TSHZ3: variants seen among roughly 807,000 people sequenced by gnomAD.
TSHZ3 encodes teashirt zinc finger homeobox 3.
TSHZ3 carries 10 observed loss-of-function variants against 64.5 expected under a neutral mutation model. The ratio of observed to expected loss-of-function variants is 0.16; its 90% CI spans 0.10 to 0.26. The LOEUF (loss-of-function observed/expected upper bound fraction) is 0.26, where lower values mean the gene tolerates loss of function less well. Ranked by LOEUF, TSHZ3 falls within the 10% of genes least tolerant of loss-of-function variation. The pLI is 1.00. For missense variants in TSHZ3, 1,242 were observed against 1,421.7 expected (o/e 0.87, Z 2.03); for synonymous variants, 608 against 593.1 (o/e 1.03, Z -0.36).
intron 3 of TSHZ3, among the ~76,000 whole-genome samples, chr19:31,234,753 A>G (rs1272683472): frequency 6.6e-6 from 1 of 152,204 alleles, no homozygotes. Flanking sequence ...TGCTGAATTC[A>G]GTTTGCTAAT....
chr19:31,168,443 C>T (rs1340932377), intron 5 of TSHZ3, among the ~76,000 whole-genome samples: 1 of 152,196 alleles, frequency 6.6e-6, no homozygotes, highest in South Asian at 2.1e-4. Flanking sequence ...AATGGCCAAG[C>T]TGCGATTGTC....
intron 4 of TSHZ3, among the ~76,000 whole-genome samples, chr19:31,219,125 C>T (rs1026029824): frequency 2.6e-5 from 4 of 152,140 alleles, no homozygotes; most frequent in Admixed American, 2.6e-4. Flanking sequence ...ACAGTGAGGC[C>T]TTTATGCTTT....
At chr19:31,225,160 G>A (rs1975443426) in intron 4 of TSHZ3, among the ~76,000 whole-genome samples, 1 of 152,222 alleles carries the variant, frequency 6.6e-6, no homozygotes, top group South Asian at 2.1e-4. Context: ...CATTCATTTA[G>A]AAGTGAGGCC....
At chr19:31,255,422 C>T (rs911853664) in intron 1 of TSHZ3, among the ~76,000 whole-genome samples, 8 of 152,150 alleles carry the variant, frequency 5.3e-5, no homozygotes, top group Non-Finnish European at 8.8e-5. Flanking sequence ...CTCAGAACAA[C>T]GTCACTAAAG....
intron 4 of TSHZ3, among the ~76,000 whole-genome samples, chr19:31,227,164 G>T (rs550679042): frequency 5.9e-5 from 9 of 151,286 alleles, no homozygotes; most frequent in Non-Finnish European, 8.8e-5. Flanking sequence ...ATTTTTAGTA[G>T]ATATGGGGTT....
At chr19:31,233,633 T>G (rs185724752) in intron 3 of TSHZ3, among the ~76,000 whole-genome samples, 4 of 152,292 alleles carry the variant, frequency 2.6e-5, no homozygotes. Context: ...TAGTGCTTTT[T>G]GTGTTCCTAG....
intron 5 of TSHZ3, among the ~76,000 whole-genome samples, chr19:31,160,533 G>A (rs762008847): frequency 4.6e-5 from 7 of 152,190 alleles, no homozygotes; most frequent in Non-Finnish European, 1.0e-4. Flanking sequence ...AGCTCCACGT[G>A]TGACTAATTC....
At chr19:31,289,545 T>C (rs958430672) in intron 1 of TSHZ3, among the ~76,000 whole-genome samples, 8 of 152,130 alleles carry the variant, frequency 5.3e-5, no homozygotes, top group Non-Finnish European at 8.8e-5. Flanking sequence ...CCCCAGCCCC[T>C]GGTAAAGGAA....
At chr19:31,346,055 T>A (rs575784812) in intron 1 of TSHZ3, among the ~76,000 whole-genome samples, 5 of 152,216 alleles carry the variant, frequency 3.3e-5, no homozygotes, top group Non-Finnish European at 7.3e-5. Context: ...GAAAAGACCC[T>A]AAGCCATACA....
At chr19:31,312,485 G>A (rs1916487018) in intron 1 of TSHZ3, among the ~76,000 whole-genome samples, 1 of 152,190 alleles carries the variant, frequency 6.6e-6, no homozygotes, top group African/African-American at 2.4e-5. Flanking sequence ...GCTGGCTGGA[G>A]GGGACTTCTC....
Position 31,277,733 on chromosome 19 carries a change from G to A in TSHZ3, c.2060C>T (p.Pro687Leu), listed in dbSNP as rs4805664. The change falls in exon 2 of 2, where the codon CCG becomes CTG. Residue 687 changes from proline to leucine, a missense_variant. Pro to Leu is a moderately conservative substitution (Grantham distance 98). Around this residue, in one of 4 missense-constraint regions of TSHZ3, gnomAD observed 550 missense variants for 545.1 expected, o/e 1.01. Coordinates refer to ENST00000240587, the MANE Select transcript of TSHZ3 (RefSeq NM_020856.4). This position sits in a 1 kb window ranked among gnomAD's most constrained non-coding sequence, Gnocchi z 4.5. ...CACCAGCTCCTTGCCATTCTCCACC[G>A]GCTCAGCGAGGGGGCTCCCATCCTT... ...GCKDGSPLAE[P>L]VENGKELVKP... The A allele has an allele frequency of 1.2e-3, 1,820 of 1,521,708 alleles. 40 individuals are homozygous for A. The Admixed American group carries it at 0.035, about 29-fold the overall frequency. The allele number at this position is 1,521,708 out of a possible 1,614,324, so 94.3% of individuals were successfully genotyped here.
chr19:31,152,669 C>A (rs185936579), intron 6 of TSHZ3, among the ~76,000 whole-genome samples: 90 of 152,222 alleles, frequency 5.9e-4, no homozygotes, highest in African/African-American at 2.0e-3. Flanking sequence ...TGGAGTAGAA[C>A]CTTCACGATT....
intron 4 of TSHZ3, among the ~76,000 whole-genome samples, chr19:31,213,352 G>C (rs867797045): frequency 3.2e-5 from 1 of 31,728 alleles, no homozygotes; most frequent in African/African-American, 1.5e-4. Context: ...GCGAGACTCT[G>C]TCTCAAAAAA....
intron 1 of TSHZ3, among the ~76,000 whole-genome samples, chr19:31,286,325 G>C (rs868736556): frequency 2.0e-5 from 3 of 152,166 alleles, no homozygotes; most frequent in South Asian, 2.1e-4. Flanking sequence ...AGTTACAAAA[G>C]CTTTCTGCAA....
At chr19:31,153,127 C>T (rs527933462) in intron 6 of TSHZ3, among the ~76,000 whole-genome samples, 1 of 152,204 alleles carries the variant, frequency 6.6e-6, no homozygotes, top group South Asian at 2.1e-4. Context: ...CTAATCCTGC[C>T]ATTGGAGTTC....
chr19:31,176,714 AAGG>A (rs1974612637), intron 5 of TSHZ3, among the ~76,000 whole-genome samples: 2 of 152,118 alleles, frequency 1.3e-5, no homozygotes, highest in Admixed American at 1.3e-4. Context: ...TGCTTGAGCT[AAGG>A]AGGTTGAGCC....
At chr19:31,239,589 T>C (rs1003889247) in intron 3 of TSHZ3, among the ~76,000 whole-genome samples, 13 of 152,312 alleles carry the variant, frequency 8.5e-5, no homozygotes, top group Admixed American at 1.3e-4. Context: ...ACTTTATTTT[T>C]ATTCTTATTT....
Position 31,278,645 on chromosome 19 carries a change from G to C in TSHZ3, c.1148C>G (p.Ser383Trp). ...SYAWHFEARK[S>W]QILKCMECGS... ...ACACTCCATGCACTTCAGGATCTGC[G>C]ACTTCCGGGCCTCAAAGTGCCATGC... Residue 383 changes from serine to tryptophan, a missense_variant, in exon 2 of 2, where the codon TCG (serine) becomes TGG (tryptophan). Coordinates refer to ENST00000240587, the MANE Select transcript of TSHZ3 (RefSeq NM_020856.4). The surrounding 1 kb of genome is among the most constrained non-coding windows in gnomAD (Gnocchi z 4.7). 1 of 1,614,116 alleles carries C rather than the reference G, an allele frequency of 6.2e-7. No individual in the cohort carries two copies. The highest frequency in any genetic ancestry group is 8.5e-7 in the Non-Finnish European group (1 of 1,180,010).
chr19:31,297,181 A>G (rs145241946), intron 1 of TSHZ3, among the ~76,000 whole-genome samples: 1 of 152,234 alleles, frequency 6.6e-6, no homozygotes, highest in Non-Finnish European at 1.5e-5. Flanking sequence ...TTCGAGGCCA[A>G]CTGCCTCCTC....
Sources: gnomAD v4.1 joint callset for allele counts (sites outside exome capture counted in the v4.1 genomes callset) on GRCh38, gnomAD v4.1.1 for gene constraint, gnomAD v4.1.1 regional missense constraint, Gnocchi (gnomAD v3.1) non-coding constraint, MANE v1.5 for transcripts, NCBI Gene and HGNC (gene_info 2026-07-23, HGNC 2026-07-21) for gene names.